CACNA2D3: variants seen among roughly 807,000 people sequenced by gnomAD.
CACNA2D3 encodes the protein voltage-dependent calcium channel subunit alpha-2/delta-3.
A neutral mutation model predicts 160.6 loss-of-function variants in CACNA2D3; 60 were observed. The observed-to-expected ratio is 0.37, with a 90% confidence interval of 0.30 to 0.46. CACNA2D3 has a LOEUF of 0.46. Among genes scored for constraint, CACNA2D3 ranks in the 20% least tolerant of loss-of-function variants. CACNA2D3 has a pLI of 1.00. For missense variants in CACNA2D3, 1,205 were observed against 1,365.0 expected (o/e 0.88, Z 1.85); for synonymous variants, 558 against 492.9 (o/e 1.13, Z -1.75).
chr3:54,526,273 G>A (rs1394942164), intron 5 of CACNA2D3, among the ~76,000 whole-genome samples: 1 of 152,016 alleles, frequency 6.6e-6, no homozygotes, highest in African/African-American at 2.4e-5. Flanking sequence ...TTGGACATAT[G>A]TATAATAGCT....
intron 2 of CACNA2D3, among the ~76,000 whole-genome samples, chr3:54,186,389 T>C (rs1700879455): frequency 6.6e-6 from 1 of 152,136 alleles, no homozygotes; most frequent in Non-Finnish European, 1.5e-5. Context: ...TATATGCATC[T>C]TGGGTGAAGA....
At chr3:54,298,968 AAAAAAGAAG>A (rs911483014) in intron 2 of CACNA2D3, among the ~76,000 whole-genome samples, 1 of 83,820 alleles carries the variant, frequency 1.2e-5, no homozygotes, top group Non-Finnish European at 2.7e-5. Flanking sequence ...AAAAAAAAAA[AAAAAAGAAG>A]AAGAAAGAGG....
At chr3:54,882,711 A>G (rs915803374) in intron 21 of CACNA2D3, among the ~76,000 whole-genome samples, 10 of 152,154 alleles carry the variant, frequency 6.6e-5, no homozygotes, top group Non-Finnish European at 1.5e-5. Context: ...CCTTGGGCCA[A>G]ATAGTAGAGG....
At chr3:54,980,816 A>G (rs985982693) in intron 29 of CACNA2D3, among the ~76,000 whole-genome samples, 1 of 152,206 alleles carries the variant, frequency 6.6e-6, no homozygotes, top group East Asian at 1.9e-4. Flanking sequence ...CTAATATCTG[A>G]CTTGCATAAT....
intron 27 of CACNA2D3, among the ~76,000 whole-genome samples, chr3:54,957,086 A>G (rs1701916224): frequency 6.6e-6 from 1 of 152,218 alleles, no homozygotes; most frequent in East Asian, 1.9e-4. Flanking sequence ...GGCTTCATAA[A>G]TGGGATTAAT....
At chr3:54,671,725 A>G (rs1700167109) in intron 11 of CACNA2D3, among the ~76,000 whole-genome samples, 1 of 152,196 alleles carries the variant, frequency 6.6e-6, no homozygotes, top group Admixed American at 6.5e-5. Flanking sequence ...GGGAGGGGAC[A>G]AAGTCATTCC....
At chr3:54,889,146 C>T (rs778657567) in intron 24 of CACNA2D3, among the ~76,000 whole-genome samples, 16 of 152,120 alleles carry the variant, frequency 1.1e-4, no homozygotes, top group Non-Finnish European at 2.1e-4. Context: ...AGAGGATAGC[C>T]TGGAAGATGT....
intron 11 of CACNA2D3, among the ~76,000 whole-genome samples, chr3:54,712,598 C>T (rs764371661): frequency 8.5e-5 from 13 of 152,218 alleles, no homozygotes; most frequent in Non-Finnish European, 1.6e-4. Flanking sequence ...GAGGCCTCTC[C>T]AGCCACGTGG....
At chr3:54,842,431 A>C (rs1186023398) in intron 16 of CACNA2D3, among the ~76,000 whole-genome samples, 2 of 152,138 alleles carry the variant, frequency 1.3e-5, no homozygotes, top group African/African-American at 4.8e-5. Flanking sequence ...AAATACACAA[A>C]CTGTAACTGA....
chr3:54,712,957 C>T (rs780913331), intron 11 of CACNA2D3, among the ~76,000 whole-genome samples: 13 of 152,162 alleles, frequency 8.5e-5, no homozygotes, highest in South Asian at 4.1e-4. Flanking sequence ...TATAACATCA[C>T]ATAATCACAA....
chr3:55,070,174 G>A (rs1468406205), intron 35 of CACNA2D3, among the ~76,000 whole-genome samples: 1 of 152,106 alleles, frequency 6.6e-6, no homozygotes, highest in Non-Finnish European at 1.5e-5. Context: ...TTTTATGAGG[G>A]GCAGACAGTA....
chr3:54,350,412 T>C (rs1698532131), intron 3 of CACNA2D3, among the ~76,000 whole-genome samples: 1 of 152,156 alleles, frequency 6.6e-6, no homozygotes, highest in Non-Finnish European at 1.5e-5. Context: ...GATAGAGAAG[T>C]GAAGAAGACA....
At chr3:54,555,557 T>G (rs748535994) in intron 5 of CACNA2D3, among the ~76,000 whole-genome samples, 10 of 152,190 alleles carry the variant, frequency 6.6e-5, no homozygotes, top group Non-Finnish European at 1.3e-4. Flanking sequence ...AGATCAGGGT[T>G]GTGGGAGGCG....
At position 54,987,741 on chromosome 3, in the gene CACNA2D3, G is replaced by C. The variant is rs1559455886; in HGVS notation, c.2678G>C (p.Gly893Ala). Residue 893 changes from glycine (G) to alanine (A), a missense_variant, in exon 31 of 38, where the codon GGC becomes GCC. By Grantham distance (60) the Gly-to-Ala change is moderately conservative (BLOSUM62 0). This residue lies in a region of CACNA2D3 where 911 missense variants were observed against 1,002.2 expected (regional missense o/e 0.91). Coordinates refer to ENST00000474759, the MANE Select transcript of CACNA2D3 (RefSeq NM_018398.3). ...GAVMNKLLTM[G>A]SFKRITLYDY... Reference sequence around the variant, plus strand: ...GTGATGAACAAATTGCTAACAATGGGCTCCTTTAAAAGGTAAGGGTTTTAT... The same window carrying C: ...GTGATGAACAAATTGCTAACAATGGCCTCCTTTAAAAGGTAAGGGTTTTAT... 1 of 1,608,608 alleles carries C rather than the reference G, an allele frequency of 6.2e-7. No individual in the cohort carries two copies. The highest frequency in any genetic ancestry group is 8.5e-7 in the Non-Finnish European group (1 of 1,178,076).
intron 27 of CACNA2D3, among the ~76,000 whole-genome samples, chr3:54,944,293 T>A (rs928972929): frequency 2.0e-5 from 3 of 152,172 alleles, no homozygotes; most frequent in African/African-American, 7.2e-5. Context: ...ATTTTTTAGG[T>A]CTTTTTGTTT....
At chr3:55,056,097 A>C (rs1340194264) in intron 35 of CACNA2D3, among the ~76,000 whole-genome samples, 3 of 152,196 alleles carry the variant, frequency 2.0e-5, no homozygotes, top group Non-Finnish European at 4.4e-5. Flanking sequence ...CAAACAACTC[A>C]ACAGCAAGAA....
At position 54,249,558 on chromosome 3, in the gene CACNA2D3, T is replaced by TACACACACACACACACACAC. The variant is rs149515122; in HGVS notation, c.205-70873_205-70854dup. Among the ~76,000 whole-genome samples the TACACACACACACACACACAC allele has an allele frequency of 3.4e-3, 427 of 123,870 alleles. 16 individuals carry two copies. The highest frequency in any genetic ancestry group is 0.013 in the African/African-American group (368 of 28,692). 81.3% of individuals were successfully genotyped at this position (123,870 alleles called of 152,430 possible). ...CTTAGAATAAATGTCTCTGTTTACG[T>TACACACACACACACACACAC]ACACACACACACACACACACACACA... On this transcript the variant is annotated intron_variant, in intron 2 of 37. Transcript: ENST00000474759.
At chr3:54,423,018 C>T (rs1258716528) in intron 4 of CACNA2D3, among the ~76,000 whole-genome samples, 2 of 152,098 alleles carry the variant, frequency 1.3e-5, no homozygotes, top group African/African-American at 4.8e-5. Context: ...TGGGATGATG[C>T]CCAGAGAATA....
At chr3:54,808,207 A>C (rs1703185701) in intron 13 of CACNA2D3, among the ~76,000 whole-genome samples, 2 of 152,132 alleles carry the variant, frequency 1.3e-5, no homozygotes, top group Non-Finnish European at 2.9e-5. Context: ...AAGTATAATA[A>C]TAATTTTTAA....
Sources: gnomAD v4.1 joint callset for allele counts (sites outside exome capture counted in the v4.1 genomes callset) on GRCh38, gnomAD v4.1.1 for gene constraint, gnomAD v4.1.1 regional missense constraint, MANE v1.5 for transcripts, NCBI Gene and HGNC (gene_info 2026-07-23, HGNC 2026-07-21) for gene names.